Variants in NECAB3 observed in about 807,000 individuals in gnomAD.
NECAB3 encodes N-terminal EF-hand calcium-binding protein 3.
Under a neutral mutation model 57.2 loss-of-function variants are expected in NECAB3, and 38 were observed. The ratio of observed to expected loss-of-function variants is 0.66; its 90% CI spans 0.51 to 0.87. The LOEUF (loss-of-function observed/expected upper bound fraction) is 0.87, where lower values mean the gene tolerates loss of function less well. NECAB3 is among the 40% of genes least tolerant of loss of function. The pLI, the probability that NECAB3 is intolerant of heterozygous loss-of-function variation, is 0.00. For missense variants in NECAB3, 474 were observed against 527.5 expected (o/e 0.90, Z 0.99); for synonymous variants, 223 against 222.6 (o/e 1.00, Z -0.02).
rs752068045 is a variant in NECAB3, at chr20:33,660,767, A to G, written c.388-372T>C. ...GCTATCACGAGGTATCCAAGGGCCA[A>G]TGTTGACACAAGGCAAAATAATGGC... On this transcript the variant is annotated intron_variant, in intron 5 of 11. Transcript: ENST00000246190. The surrounding 1 kb of genome is among the most constrained non-coding windows in gnomAD (Gnocchi z 4.1). 6.6e-6 allele frequency among the ~76,000 whole-genome samples: 1 copy of G among 152,216 alleles called. No homozygotes were observed.
rs1338094612 is a variant in NECAB3 at position 33,674,310 on chromosome 20, G to A, written c.43C>T (p.Pro15Ser). Residue 15 changes from proline (P) to serine (S), a missense_variant, in exon 1 of 12, where the codon CCC becomes TCC. Pro to Ser is a moderately conservative substitution (Grantham distance 74). Coordinates refer to ENST00000246190, the MANE Select transcript of NECAB3 (RefSeq NM_031232.4). Reference protein sequence around the residue: ...GLLTVCLLRPPAPQPQPQTPR... With the variant: ...GLLTVCLLRPSAPQPQPQTPR... Reference sequence around the variant, plus strand: ...GTCTGGGGCTGGGGCTGGGGCGCGGGCGGCCGGAGCAGGCACACGGTGAGC... The same window carrying A: ...GTCTGGGGCTGGGGCTGGGGCGCGGACGGCCGGAGCAGGCACACGGTGAGC... 8.2e-6 allele frequency: 10 copies of A among 1,220,450 alleles called. No homozygotes were observed. Among genetic ancestry groups the A allele is most frequent in the Non-Finnish European group, 9.2e-6 (9 of 980,406 alleles). 75.6% of individuals were successfully genotyped at this position (1,220,450 alleles called of 1,614,324 possible).
At position 33,659,604 on chromosome 20, in the gene NECAB3, G is replaced by A; in HGVS notation, c.772C>T (p.Pro258Ser). The change falls in exon 8 of 12, where the codon CCA becomes TCA. Residue 258 changes from proline (P) to serine (S), a missense_variant. By Grantham distance (74) the Pro-to-Ser change is moderately conservative. Transcript: ENST00000246190. The part of the protein sequence containing the change: ...GPHKGGPSWY[P>S]PEPGPCWRPG... ...CTCCAGCATGGGCCTGGCTCTGGTG[G>A]ATACCAGGAGGGTCCTCCCTTGTGG... The A allele has an allele frequency of 6.2e-7, 1 of 1,607,082 alleles. No homozygotes were observed. The highest frequency in any genetic ancestry group is 8.5e-7 in the Non-Finnish European group (1 of 1,177,272).
intron 5 of NECAB3, chr20:33,668,256 G>GT: frequency 6.4e-7 from 1 of 1,556,650 alleles, no homozygotes; most frequent in Non-Finnish European, 8.7e-7. Context: ...ACTGGGGGGG[G>GT]TGGCACTGCG....
chr20:33,663,232 T>C (rs1674487331), intron 5 of NECAB3: 1 of 467,286 alleles, frequency 2.1e-6, no homozygotes, highest in African/African-American at 2.1e-5. Flanking sequence ...GCCCCTGACA[T>C]AGGGCCTGGA....
intron 5 of NECAB3, chr20:33,662,175 C>A: frequency 1.2e-6 from 1 of 818,280 alleles, no homozygotes; most frequent in African/African-American, 1.7e-5. Context: ...AGCTGAGAAA[C>A]CAAGGCTAGA....
chr20:33,659,465 C>T (rs1035323589), intron 8 of NECAB3, 32 bp downstream of exon 8: 3 of 1,437,520 alleles, frequency 2.1e-6, no homozygotes, highest in African/African-American at 2.9e-5. Context: ...CAGACACGGC[C>T]ATCCAGCCGC....
At chr20:33,664,683 C>T (rs73091797) in intron 5 of NECAB3, 21,614 of 152,206 alleles carry the variant, frequency 0.14, 2,004 homozygotes, top group East Asian at 0.39. Flanking sequence ...TTTCTGTGGG[C>T]GGGATCCTGC....
At chr20:33,663,756 C>T (rs1428582849) in intron 5 of NECAB3, 3 of 1,461,596 alleles carry the variant, frequency 2.1e-6, no homozygotes, top group East Asian at 5.6e-5. Context: ...CAGCTCTGAG[C>T]TGGCCGCGGC....
intron 10 of NECAB3, 82 bp downstream of exon 10, chr20:33,658,395 C>A (rs1427191735): frequency 1.4e-6 from 2 of 1,399,570 alleles, no homozygotes; most frequent in Non-Finnish European, 2.0e-6. Context: ...AGCCAGTGAG[C>A]GGGAGAGCAG....
chr20:33,663,465 A>C, intron 5 of NECAB3: 1 of 1,504,708 alleles, frequency 6.6e-7, no homozygotes, highest in Non-Finnish European at 8.9e-7. Context: ...AGAAGCGCGG[A>C]GCGGCCCCGG....
chr20:33,658,480 C>A lies in NECAB3; in HGVS notation c.1067G>T (p.Arg356Ile). The A allele has an allele frequency of 1.2e-6, 2 of 1,614,008 alleles. No individual in the cohort carries two copies. Among genetic ancestry groups the A allele is most frequent in the Non-Finnish European group, 8.5e-7 (1 of 1,179,954 alleles). The change falls in exon 10 of 12, where the codon AGA becomes ATA. Residue 356 changes from arginine (R) to isoleucine (I), a missense_variant. By Grantham distance (97) the Arg-to-Ile change is moderately conservative. Coordinates refer to ENST00000246190, the MANE Select transcript of NECAB3 (RefSeq NM_031232.4). ...GCGGCCAGACTGGCACTCATACCTT[C>A]TCCAGGAGGCCTCATCCTGCCAGAA... The part of the protein sequence containing the change: ...YEFWQDEASW[R>I]RHQQSPGSKA...
rs1463117766 is a variant in NECAB3 at position 33,669,399 on chromosome 20, G to A, written c.363C>T (p.Leu121=). The change falls in exon 5 of 12, where the codon CTC becomes CTT. Residue 121 remains leucine (L), a synonymous_variant. Coordinates refer to ENST00000246190, the MANE Select transcript of NECAB3 (RefSeq NM_031232.4). ...CCAGCTTGGTGGCATCCATGGCAGC[G>A]AGCACTGCACGGTTCAGCGATTCCA... ...AALESLNRAV[L]AAMDATKLEY... is the part of the protein sequence containing the mutation. 5.6e-6 allele frequency: 9 copies of A among 1,613,440 alleles called. No homozygotes were observed. The South Asian group carries it at 6.6e-5, about 12-fold the overall frequency.
Position 33,659,901 on chromosome 20 carries a change from G to A in NECAB3, c.627C>T (p.Pro209=), listed in dbSNP as rs142066145. 3.1e-4 allele frequency: 485 copies of A among 1,546,344 alleles called. 1 individual carries two copies. In the African/African-American group the frequency reaches 5.3e-3, roughly 17 times the overall value. ...CAGGCGCACCTGTGTCAGAAGAGCC[G>A]GGGGACCAGGTGGATGACCGGCTGA... ...RSVSRSSTWS[P]GSSDTGRSSE... Residue 209 remains proline (P), a synonymous_variant, in exon 7 of 12, where the codon CCC becomes CCT. Coordinates refer to ENST00000246190, the MANE Select transcript of NECAB3 (RefSeq NM_031232.4).
rs1234845311 is a variant in NECAB3 at position 33,667,532 on chromosome 20, C to T, written c.387+1843G>A. 9 of 1,541,374 alleles carry T rather than the reference C, an allele frequency of 5.8e-6. No individual in the cohort carries two copies. The South Asian group carries it at 9.4e-5, about 16-fold the overall frequency. ...ACCGCGTTGCTGGCGCTCTGCTCCA[C>T]CGGCGCGTTCAGCGGGCTGGCCGTG... is the stretch of plus-strand genomic sequence containing the variant. On this transcript the variant is annotated intron_variant, in intron 5 of 11. Coordinates refer to ENST00000246190, the MANE Select transcript of NECAB3 (RefSeq NM_031232.4).
chr20:33,659,616 G>T lies in NECAB3; in HGVS notation c.760C>A (p.Pro254Thr), dbSNP rs773108084. 2.3e-5 allele frequency: 37 copies of T among 1,609,300 alleles called. No individual in the cohort carries two copies. The highest frequency in any genetic ancestry group is 3.0e-5 in the Non-Finnish European group (35 of 1,178,624). ...CCTGGCTCTGGTGGATACCAGGAGG[G>T]TCCTCCCTTGTGGGGCCCTGGCCCC... ...AVGPGPHKGG[P>T]SWYPPEPGPC... The change falls in exon 8 of 12, where the codon CCC (proline) becomes ACC (threonine). Residue 254 changes from proline to threonine, a missense_variant. By Grantham distance (38) the Pro-to-Thr change is conservative (BLOSUM62 -1). Coordinates refer to ENST00000246190, the MANE Select transcript of NECAB3 (RefSeq NM_031232.4).
chr20:33,663,903 T>A, intron 5 of NECAB3: 1 of 1,363,276 alleles, frequency 7.3e-7, no homozygotes. Flanking sequence ...AAAGAGTGCG[T>A]GGCAACCCTG....
rs746667027 is a variant in NECAB3, at chr20:33,658,515, G to T, written c.1032C>A (p.Thr344=). 7.4e-6 allele frequency: 12 copies of T among 1,614,060 alleles called. No homozygotes were observed. The East Asian group carries it at 2.7e-4, about 36-fold the overall frequency. ...CCTCATCCTGCCAGAACTCATACAG[G>T]GTGAAGGAGGCACCGTCCAGCATCT... ...AQKMLDGASF[T]LYEFWQDEAS... The change falls in exon 10 of 12, where the codon ACC becomes ACA. Residue 344 remains threonine, a synonymous_variant. Transcript: ENST00000246190.
chr20:33,667,563 G>A (rs753555761), intron 5 of NECAB3: 6 of 1,553,044 alleles, frequency 3.9e-6, no homozygotes, highest in African/African-American at 2.7e-5. Context: ...CCGTGGAGGC[G>A]GGCGCGGGCG....
intron 4 of NECAB3, 55 bp downstream of exon 4, chr20:33,669,632 C>A: frequency 6.4e-7 from 1 of 1,556,456 alleles, no homozygotes; most frequent in Admixed American, 2.0e-5. Context: ...CCTTGCCACA[C>A]GTACCCTGGG....
Sources: allele counts gnomAD v4.1 joint callset (sites outside exome capture counted in the v4.1 genomes callset), GRCh38; gene constraint gnomAD v4.1.1; non-coding constraint Gnocchi (gnomAD v3.1); transcripts MANE v1.5; gene names NCBI Gene and HGNC (gene_info 2026-07-23, HGNC 2026-07-21).